The following PALD1 variants were observed in gnomAD, a reference collection of about 807,000 sequenced individuals.
PALD1 encodes paladin.
In PALD1, 57 loss-of-function variants were observed where a neutral mutation model predicts 96.0. That is an observed-to-expected ratio of 0.59 (90% CI 0.48 to 0.74). The LOEUF (loss-of-function observed/expected upper bound fraction) is 0.74. Among genes scored for constraint, PALD1 ranks in the 30% least tolerant of loss-of-function variants. PALD1 has a pLI of 0.00. For synonymous variants in PALD1, 464 were observed against 473.6 expected, an observed-to-expected ratio of 0.98 and a Z score of 0.26; for missense variants, 1,063 against 1,143.7, an observed-to-expected ratio of 0.93 and a Z score of 1.02.
chr10:70,513,934 A>G (rs1005512937), intron 1 of PALD1, among the ~76,000 whole-genome samples: 7 of 152,204 alleles, frequency 4.6e-5, no homozygotes, highest in African/African-American at 1.7e-4. Context: ...GCTGCGGGGC[A>G]GGCTTTGTCA....
In PALD1 at chr10:70,532,601, A is replaced by G; in HGVS notation, c.634-20A>G. The G allele has an allele frequency of 6.2e-7, 1 of 1,611,018 alleles. No homozygotes were observed. Reference sequence around the variant, plus strand: ...TTGAAGTTCAGGCCATGGCCCTCTGACCCCCACACCTCCCTCTAGATCCAC... The same window carrying G: ...TTGAAGTTCAGGCCATGGCCCTCTGGCCCCCACACCTCCCTCTAGATCCAC... On this transcript the variant is annotated intron_variant, in intron 5 of 19. Coordinates refer to ENST00000263563, the MANE Select transcript of PALD1 (RefSeq NM_014431.3).
chr10:70,473,900 C>G (rs199705525), upstream of PALD1, among the ~76,000 whole-genome samples: 35 of 123,788 alleles, frequency 2.8e-4, no homozygotes, highest in African/African-American at 1.1e-3. Flanking sequence ...CACCCCCCCC[C>G]CCTCAGCCTC....
At chr10:70,468,199 G>A in the PALD1 span, among the ~76,000 whole-genome samples, 1 of 152,168 alleles carries the variant, frequency 6.6e-6, no homozygotes, top group South Asian at 2.1e-4. Flanking sequence ...TCCCTCTGTC[G>A]GAGTAGTTGC....
At chr10:70,513,101 A>G (rs1216306432) in intron 1 of PALD1, among the ~76,000 whole-genome samples, 12 of 152,230 alleles carry the variant, frequency 7.9e-5, no homozygotes, top group Admixed American at 7.2e-4. Context: ...GAATCCATGG[A>G]GCACTTCTCA....
chr10:70,517,899 G>GT (rs955018023), intron 1 of PALD1, among the ~76,000 whole-genome samples: 12 of 151,344 alleles, frequency 7.9e-5, no homozygotes, highest in Admixed American at 2.0e-4. Context: ...TTTTGGGGTT[G>GT]TTTTTTTTAT....
chr10:70,461,258 A>G, the PALD1 span, among the ~76,000 whole-genome samples: 1 of 152,140 alleles, frequency 6.6e-6, no homozygotes, highest in Non-Finnish European at 1.5e-5. Context: ...ACATCTAATT[A>G]GCCTTCAAGT....
At chr10:70,527,483 C>A (rs1589196309) in intron 2 of PALD1, among the ~76,000 whole-genome samples, 1 of 152,180 alleles carries the variant, frequency 6.6e-6, no homozygotes, top group Non-Finnish European at 1.5e-5. Flanking sequence ...GGAATGTTGA[C>A]ACTTCCTTTC....
chr10:70,458,561 G>A, the PALD1 span, among the ~76,000 whole-genome samples: 12 of 152,338 alleles, frequency 7.9e-5, no homozygotes, highest in African/African-American at 2.9e-4. Flanking sequence ...GAGGCTGGAG[G>A]CGGCAGTGAG....
chr10:70,508,526 G>A (rs1251897623), intron 1 of PALD1, among the ~76,000 whole-genome samples: 1 of 152,204 alleles, frequency 6.6e-6, no homozygotes, highest in Non-Finnish European at 1.5e-5. Flanking sequence ...CTCCTCAGAA[G>A]CAGGGTCACT....
At chr10:70,511,877 A>G (rs1007075688) in intron 1 of PALD1, among the ~76,000 whole-genome samples, 1 of 151,786 alleles carries the variant, frequency 6.6e-6, no homozygotes, top group African/African-American at 2.4e-5. Flanking sequence ...AAATACAAAA[A>G]TTAGCCGGGT....
intron 2 of PALD1, 44 bp downstream of exon 2, chr10:70,526,180 T>C (rs769207344): frequency 6.5e-6 from 10 of 1,547,238 alleles, no homozygotes; most frequent in Admixed American, 3.4e-5. Context: ...GGAGACATGA[T>C]GGGCGGGGGG....
At chr10:70,476,333 C>T (rs1323753517), upstream of PALD1, among the ~76,000 whole-genome samples, 2 of 152,232 alleles carry the variant, frequency 1.3e-5, no homozygotes, top group African/African-American at 2.4e-5. Context: ...GTACCCAGGG[C>T]TGCTCTGTGG....
At chr10:70,553,737 T>C (rs1847529853) in intron 18 of PALD1, among the ~76,000 whole-genome samples, 1 of 152,190 alleles carries the variant, frequency 6.6e-6, no homozygotes, top group Non-Finnish European at 1.5e-5. Flanking sequence ...CTCTCTGCCA[T>C]GCCACATGGC....
chr10:70,493,460 C>T (rs574674105), intron 1 of PALD1, among the ~76,000 whole-genome samples: 1 of 152,302 alleles, frequency 6.6e-6, no homozygotes, highest in African/African-American at 2.4e-5. Flanking sequence ...CTCTTTTCCT[C>T]TGTCTGTCTT....
intron 1 of PALD1, among the ~76,000 whole-genome samples, chr10:70,512,032 GAAAA>G (rs369014723): frequency 6.8e-6 from 1 of 146,986 alleles, no homozygotes; most frequent in Non-Finnish European, 1.5e-5. Flanking sequence ...TCTCAAAAGA[GAAAA>G]AAAAAAGGCA....
intron 19 of PALD1, among the ~76,000 whole-genome samples, chr10:70,564,870 C>T (rs1343214470): frequency 6.6e-6 from 1 of 152,234 alleles, no homozygotes; most frequent in African/African-American, 2.4e-5. Context: ...CTGGGCCCAC[C>T]TGGGCACTTC....
At chr10:70,532,888 A>T in intron 6 of PALD1, 107 bp downstream of exon 6, 1 of 1,508,142 alleles carries the variant, frequency 6.6e-7, no homozygotes, top group Non-Finnish European at 9.1e-7. Context: ...CCCCACACCC[A>T]TGTCTCCCAC....
chr10:70,532,855 C>A (rs569796890), intron 6 of PALD1, 74 bp downstream of exon 6: 51 of 1,562,020 alleles, frequency 3.3e-5, no homozygotes, highest in Non-Finnish European at 4.3e-5. Flanking sequence ...CTCAGTTTCA[C>A]CATCTGCAGG....
chr10:70,517,426 C>T (rs1181432353), intron 1 of PALD1, among the ~76,000 whole-genome samples: 1 of 151,280 alleles, frequency 6.6e-6, no homozygotes, highest in East Asian at 1.9e-4. Context: ...ACTGCAGCCT[C>T]CGTCTCCTGG....
Sources: allele counts gnomAD v4.1 joint callset (sites outside exome capture counted in the v4.1 genomes callset), GRCh38; gene constraint gnomAD v4.1.1; transcripts MANE v1.5; gene names NCBI Gene and HGNC (gene_info 2026-07-23, HGNC 2026-07-21).